The following KDM4C variants were observed in gnomAD, a reference collection of about 807,000 sequenced individuals.
KDM4C encodes lysine demethylase 4C.
A neutral mutation model predicts 129.3 loss-of-function variants in KDM4C; 81 were observed. That is an observed-to-expected ratio of 0.63 (90% confidence interval 0.52 to 0.75). The LOEUF is 0.75. KDM4C is among the 30% of genes least tolerant of loss of function. The pLI is 0.00. For synonymous variants in KDM4C, 573 were observed against 456.1 expected (o/e 1.26, Z -3.26); for missense variants, 1,457 against 1,304.0 (o/e 1.12, Z -1.81).
intron 4 of KDM4C, among the ~76,000 whole-genome samples, chr9:6,845,272 G>A (rs989544309): frequency 2.0e-5 from 3 of 152,122 alleles, no homozygotes; most frequent in Non-Finnish European, 4.4e-5. Flanking sequence ...GGAGTGCAGT[G>A]GCGCAATCAC....
intron 17 of KDM4C, among the ~76,000 whole-genome samples, chr9:7,056,522 A>G (rs1428299594): frequency 6.6e-6 from 1 of 152,206 alleles, no homozygotes; most frequent in Non-Finnish European, 1.5e-5. Flanking sequence ...CAAATAATAT[A>G]CTTTCTGAAG....
At chr9:6,835,312 G>C (rs1254440768) in intron 4 of KDM4C, 32 of 916,858 alleles carry the variant, frequency 3.5e-5, no homozygotes, top group Non-Finnish European at 5.7e-5. Context: ...GTGTGATGTG[G>C]ACATCCACAA....
intron 5 of KDM4C, among the ~76,000 whole-genome samples, chr9:6,854,827 T>C (rs1016616590): frequency 3.3e-5 from 5 of 152,218 alleles, no homozygotes; most frequent in African/African-American, 1.2e-4. Flanking sequence ...ATCAGTGTTG[T>C]GTAGTACTTA....
At chr9:6,820,013 G>C (rs574851543) in intron 4 of KDM4C, among the ~76,000 whole-genome samples, 1 of 152,168 alleles carries the variant, frequency 6.6e-6, no homozygotes, top group Non-Finnish European at 1.5e-5. Flanking sequence ...GAAAATCGTA[G>C]CCGTTTTTTG....
intron 8 of KDM4C, among the ~76,000 whole-genome samples, chr9:6,931,977 G>A (rs1411916232): frequency 6.6e-6 from 1 of 152,210 alleles, no homozygotes; most frequent in African/African-American, 2.4e-5. Flanking sequence ...GCCCTGCAGG[G>A]TAAAGAGAGG....
intron 18 of KDM4C, among the ~76,000 whole-genome samples, chr9:7,108,650 C>T (rs954441685): frequency 1.1e-4 from 16 of 152,170 alleles, no homozygotes; most frequent in African/African-American, 3.6e-4. Context: ...CACCACAATA[C>T]ACAGAATCTG....
intron 5 of KDM4C, among the ~76,000 whole-genome samples, chr9:6,867,306 G>C (rs939675218): frequency 2.6e-5 from 4 of 152,160 alleles, no homozygotes; most frequent in African/African-American, 9.7e-5. Flanking sequence ...GAGCCGCTGC[G>C]CCCGGCCAGT....
intron 5 of KDM4C, among the ~76,000 whole-genome samples, chr9:6,866,688 C>G (rs1588813394): frequency 1.3e-5 from 2 of 152,052 alleles, no homozygotes; most frequent in African/African-American, 2.4e-5. Context: ...GGTTGTCCAC[C>G]CTGATCTCTA....
At chr9:6,831,425 C>T (rs1834801814) in intron 4 of KDM4C, among the ~76,000 whole-genome samples, 1 of 151,872 alleles carries the variant, frequency 6.6e-6, no homozygotes, top group Admixed American at 6.6e-5. Context: ...TCACTGCAAC[C>T]TCCGTCTCCC....
intron 21 of KDM4C, among the ~76,000 whole-genome samples, chr9:7,171,554 C>T (rs1236835768): frequency 6.6e-6 from 1 of 152,268 alleles, no homozygotes; most frequent in South Asian, 2.1e-4. Flanking sequence ...TAGGTAGCCT[C>T]TCAAAGTCTC....
At chr9:6,828,422 C>CA (rs1834241502) in intron 4 of KDM4C, among the ~76,000 whole-genome samples, 1 of 151,694 alleles carries the variant, frequency 6.6e-6, no homozygotes, top group Non-Finnish European at 1.5e-5. Context: ...GCTGGGATTA[C>CA]AGGTGTGAGC....
chr9:6,758,275 C>G lies in KDM4C; in HGVS notation c.-18+72C>G, dbSNP rs894250284. On this transcript the variant is annotated intron_variant, in intron 1 of 21. Coordinates refer to ENST00000381309, the MANE Select transcript of KDM4C (RefSeq NM_015061.6). The surrounding 1 kb of genome is among the most constrained non-coding windows in gnomAD (Gnocchi z 4.6). ...GGAGAGGTCTTCCCGGCACTGCCCC[C>G]CTCCGCGTGGGGCACGGGGGTGCGG... 2.2e-6 allele frequency: 2 copies of G among 890,722 alleles called. No homozygotes were observed. The highest frequency in any genetic ancestry group is 2.7e-6 in the Non-Finnish European group (2 of 743,600). 55.2% of individuals were successfully genotyped at this position (890,722 alleles called of 1,614,324 possible).
chr9:7,039,316 C>G (rs4742287), intron 15 of KDM4C, among the ~76,000 whole-genome samples: 35,336 of 151,714 alleles, frequency 0.23, 5,417 homozygotes, highest in African/African-American at 0.42. Flanking sequence ...CTGTCTTTCT[C>G]CTCTCTAATT....
intron 6 of KDM4C, among the ~76,000 whole-genome samples, chr9:6,883,738 G>C (rs950114297): frequency 6.6e-6 from 1 of 152,164 alleles, no homozygotes; most frequent in African/African-American, 2.4e-5. Context: ...TCTTTGATTT[G>C]AGGGTGCCAA....
chr9:7,130,271 C>G (rs1209444345), intron 19 of KDM4C, among the ~76,000 whole-genome samples: 3 of 152,182 alleles, frequency 2.0e-5, no homozygotes, highest in Admixed American at 2.0e-4. Context: ...ACAGTGAGGT[C>G]TTTAGCCATG....
chr9:6,733,392 T>A (rs1478232675), intron 1 of KDM4C, among the ~76,000 whole-genome samples: 1 of 152,222 alleles, frequency 6.6e-6, no homozygotes, highest in Admixed American at 6.5e-5. Context: ...TTTGCATTTC[T>A]AAGTAGTGAT....
At chr9:7,104,352 G>A (rs1461254106) in intron 18 of KDM4C, 1 of 153,408 alleles carries the variant, frequency 6.5e-6, no homozygotes, top group Non-Finnish European at 1.5e-5. Flanking sequence ...AGTAAAGGAA[G>A]AGGTAGGATG....
chr9:7,158,978 GTC>G, intron 19 of KDM4C, among the ~76,000 whole-genome samples: 1 of 152,162 alleles, frequency 6.6e-6, no homozygotes, highest in South Asian at 2.1e-4. Flanking sequence ...GGGAGTCTAA[GTC>G]TCTTTGTAGT....
chr9:6,732,977 C>T (rs1817403140), intron 1 of KDM4C, among the ~76,000 whole-genome samples: 1 of 152,144 alleles, frequency 6.6e-6, no homozygotes, highest in African/African-American at 2.4e-5. Flanking sequence ...CATGCCATTG[C>T]ACTCCAGCCT....
Sources: gnomAD v4.1 joint callset for allele counts (sites outside exome capture counted in the v4.1 genomes callset) on GRCh38, gnomAD v4.1.1 for gene constraint, Gnocchi (gnomAD v3.1) non-coding constraint, MANE v1.5 for transcripts, NCBI Gene and HGNC (gene_info 2026-07-23, HGNC 2026-07-21) for gene names.